Variants in SOD2 observed in about 807,000 individuals in gnomAD.
SOD2 encodes the protein superoxide dismutase 2.
SOD2 carries 11 observed loss-of-function variants against 27.0 expected under a neutral mutation model. The observed-to-expected ratio is 0.41, with a 90% CI of 0.26 to 0.67. SOD2 has a LOEUF of 0.67. Among genes scored for constraint, SOD2 ranks in the 30% least tolerant of loss-of-function variants. The pLI, the probability that SOD2 is intolerant of heterozygous loss-of-function variation, is 0.34. For missense variants in SOD2, 250 were observed against 274.5 expected (o/e 0.91, Z 0.63); for synonymous variants, 105 against 103.0 (o/e 1.02, Z -0.12).
intron 1 of SOD2, chr6:159,713,904 G>T: frequency 1.1e-6 from 1 of 924,082 alleles, no homozygotes; most frequent in Non-Finnish European, 1.7e-6. Context: ...TCAGAGAAGT[G>T]CATCACTTCA....
chr6:159,749,704 T>C (rs759783758), upstream of SOD2, among the ~76,000 whole-genome samples: 2 of 152,208 alleles, frequency 1.3e-5, no homozygotes, highest in Non-Finnish European at 2.9e-5. Context: ...TGCCAGAAGA[T>C]AATGTGTTGG....
intron 1 of SOD2, 128 bp downstream of exon 1, chr6:159,693,017 G>C (rs917439073): frequency 3.5e-6 from 5 of 1,412,660 alleles, no homozygotes; most frequent in Non-Finnish European, 4.7e-6. Flanking sequence ...GCACTCCCGG[G>C]AGAACCGCCT....
intron 3 of SOD2, among the ~76,000 whole-genome samples, chr6:159,685,540 T>C (rs939031709): frequency 6.6e-6 from 1 of 151,932 alleles, no homozygotes; most frequent in Non-Finnish European, 1.5e-5. Context: ...CCGTGCCCGG[T>C]TCAAATTTTA....
intron 1 of SOD2, among the ~76,000 whole-genome samples, chr6:159,718,343 T>A (rs1392031762): frequency 6.6e-6 from 1 of 152,156 alleles, no homozygotes; most frequent in Non-Finnish European, 1.5e-5. Context: ...GATGGACACT[T>A]AGGCTGAGTC....
chr6:159,736,153 A>ATTT, intron 1 of SOD2: 2 of 1,101,076 alleles, frequency 1.8e-6, no homozygotes, highest in Non-Finnish European at 2.7e-6. Flanking sequence ...ATTCAACAGT[A>ATTT]ATTTAGTTCA....
At chr6:159,715,631 G>T (rs1369451960) in intron 1 of SOD2, among the ~76,000 whole-genome samples, 7 of 152,192 alleles carry the variant, frequency 4.6e-5, no homozygotes, top group Non-Finnish European at 7.3e-5. Flanking sequence ...CAGGCATGGT[G>T]GCTCACGCCT....
intron 1 of SOD2, chr6:159,714,123 A>G (rs968581126): frequency 1.9e-6 from 1 of 526,900 alleles, no homozygotes. Context: ...TAAGCAAGTG[A>G]TCACATGAGC....
chr6:159,746,315 G>T (rs988764574), upstream of SOD2, among the ~76,000 whole-genome samples: 1 of 152,196 alleles, frequency 6.6e-6, no homozygotes, highest in Non-Finnish European at 1.5e-5. Context: ...TGGTTGAAAG[G>T]ATTGGCCCTG....
At chr6:159,730,403 A>G (rs1345391106), upstream of SOD2, among the ~76,000 whole-genome samples, 1 of 152,178 alleles carries the variant, frequency 6.6e-6, no homozygotes, top group Non-Finnish European at 1.5e-5. Context: ...ATGAATCTAG[A>G]ATTGACTTTA....
At chr6:159,712,239 C>T (rs1296157233) in intron 1 of SOD2, among the ~76,000 whole-genome samples, 2 of 131,100 alleles carry the variant, frequency 1.5e-5, no homozygotes, top group Non-Finnish European at 3.4e-5. Context: ...ACTCACATTG[C>T]TCTGATCACC....
chr6:159,700,880 T>C (rs1777512462), intron 1 of SOD2, among the ~76,000 whole-genome samples: 1 of 152,098 alleles, frequency 6.6e-6, no homozygotes, highest in African/African-American at 2.4e-5. Context: ...TTAGGTTCAG[T>C]CTAAGCTTTC....
upstream of SOD2, among the ~76,000 whole-genome samples, chr6:159,694,875 A>C (rs1777391040): frequency 1.3e-5 from 2 of 151,470 alleles, no homozygotes; most frequent in Non-Finnish European, 2.9e-5. Context: ...AAGTGCTGGG[A>C]TTACAGGTAG....
exon 1 of SOD2, chr6:159,727,221 C>G (rs979126256): frequency 3.2e-6 from 4 of 1,268,834 alleles, no homozygotes; most frequent in Non-Finnish European, 4.1e-6. Context: ...TCCATTGTGC[C>G]TCGAGGCCCC....
At chr6:159,726,793 G>A in intron 1 of SOD2, 1 of 1,289,216 alleles carries the variant, frequency 7.8e-7, no homozygotes, top group South Asian at 1.2e-5. Flanking sequence ...GCGGCCAGGA[G>A]ACTGCGCCTC....
rs1779699740 is a variant in SOD2 at position 159,672,904 on chromosome 6, C to A, written c.*9589G>T. Reference sequence around the variant, plus strand: ...TCAAAATAAAAGGATGGAGGAAGATCTACCAAGCAAACGGAAAACAAAAAA... The same window carrying A: ...TCAAAATAAAAGGATGGAGGAAGATATACCAAGCAAACGGAAAACAAAAAA... On this transcript the variant is annotated 3_prime_UTR_variant, in exon 5 of 5. Transcript: ENST00000538183. The A allele has an allele frequency of 6.6e-6, 1 of 151,872 alleles. No individual in the cohort carries two copies. Among genetic ancestry groups the A allele is most frequent in the South Asian group, 2.1e-4 (1 of 4,792 alleles). 9.4% of individuals were successfully genotyped at this position (151,872 alleles called of 1,614,324 possible). A position where few individuals can be genotyped will look rare whatever the true frequency, so the allele number is the denominator to read the frequency against.
rs1779775732 is a variant in SOD2 at position 159,676,227 on chromosome 6, C to T, written c.*6266G>A. The T allele has an allele frequency of 6.6e-6, 1 of 152,126 alleles. No homozygotes were observed. Among genetic ancestry groups the T allele is most frequent in the African/African-American group, 2.4e-5 (1 of 41,424 alleles). 9.4% of individuals were successfully genotyped at this position (152,126 alleles called of 1,614,324 possible). On this transcript the variant is annotated 3_prime_UTR_variant, in exon 5 of 5. Transcript: ENST00000538183. Reference sequence around the variant, plus strand: ...ATCTAGAACTAGAAATACCATTTGACCCAGCCATCCCATTACTGGGTATAT... The same window carrying T: ...ATCTAGAACTAGAAATACCATTTGATCCAGCCATCCCATTACTGGGTATAT...
chr6:159,717,462 G>A (rs1431424224), intron 1 of SOD2, among the ~76,000 whole-genome samples: 2 of 152,046 alleles, frequency 1.3e-5, no homozygotes, highest in East Asian at 1.9e-4. Flanking sequence ...ACATATTCTG[G>A]AGTACACTGT....
chr6:159,738,336 G>A (rs541314794), intron 1 of SOD2, among the ~76,000 whole-genome samples: 15 of 152,282 alleles, frequency 9.9e-5, no homozygotes, highest in African/African-American at 3.6e-4. Context: ...CATGTAGTAT[G>A]CATCTTTTTG....
rs189111746 is a variant in SOD2 at position 159,686,673 on chromosome 6, A to C, written c.343+1453T>G. ...CCAAAATAATAATAAATAAAAACAA[A>C]AATAAAGAAAAAGTTGCCCAGTTTC... On this transcript the variant is annotated intron_variant, in intron 3 of 4. Coordinates refer to ENST00000538183, the MANE Select transcript of SOD2 (RefSeq NM_000636.4). Among the ~76,000 whole-genome samples, 55 of 152,270 alleles carry C rather than the reference A, an allele frequency of 3.6e-4. No homozygotes were observed. In the East Asian group the frequency reaches 0.01, roughly 28 times the overall value.
Sources: allele counts gnomAD v4.1 joint callset (sites outside exome capture counted in the v4.1 genomes callset), GRCh38; gene constraint gnomAD v4.1.1; transcripts MANE v1.5; gene names NCBI Gene and HGNC (gene_info 2026-07-23, HGNC 2026-07-21).